Variants in FGF12 observed in about 807,000 individuals in gnomAD.
FGF12 encodes fibroblast growth factor 12B.
A neutral mutation model predicts 23.6 loss-of-function variants in FGF12; 14 were observed. The observed-to-expected ratio is 0.59, with a 90% CI of 0.39 to 0.93. The LOEUF (loss-of-function observed/expected upper bound fraction) is 0.93, where lower values mean the gene tolerates loss of function less well. FGF12 is among the 40% of genes least tolerant of loss of function. FGF12 has a pLI of 0.00. For missense variants in FGF12, 175 were observed against 217.8 expected, an observed-to-expected ratio of 0.80 and a Z score of 1.24; for synonymous variants, 62 against 77.3, an observed-to-expected ratio of 0.80 and a Z score of 1.04.
At position 192,614,014 on chromosome 3, in the gene FGF12, T is replaced by C. The variant is rs181549446; in HGVS notation, c.13+113167A>G. Reference sequence around the variant, plus strand: ...CATAAGAGCATGCTCTCCCCTGGCATCCTAGCATTTCTTGTCCTTCCCCAT... The same window carrying C: ...CATAAGAGCATGCTCTCCCCTGGCACCCTAGCATTTCTTGTCCTTCCCCAT... On this transcript the variant is annotated intron_variant, in intron 2 of 5. Coordinates refer to ENST00000445105, the MANE Select transcript of FGF12 (RefSeq NM_004113.6). Among the ~76,000 whole-genome samples the C allele has an allele frequency of 1.8e-3, 281 of 152,000 alleles. 1 individual carries two copies. The highest frequency in any genetic ancestry group is 3.4e-3 in the Middle Eastern group (1 of 294).
chr3:192,642,295 G>A (rs1399269316), intron 2 of FGF12, among the ~76,000 whole-genome samples: 1 of 152,106 alleles, frequency 6.6e-6, no homozygotes, highest in African/African-American at 2.4e-5. Context: ...ACCAGGCTCC[G>A]AGAATTCGAA....
At chr3:192,341,876 T>A (rs149810867) in intron 3 of FGF12, among the ~76,000 whole-genome samples, 133 of 112,406 alleles carry the variant, frequency 1.2e-3, no homozygotes, top group Non-Finnish European at 1.5e-3. Flanking sequence ...GTGAAAAAAA[T>A]TGAGAAAATG....
chr3:192,211,616 G>A (rs1175620322), intron 4 of FGF12, among the ~76,000 whole-genome samples: 3 of 151,764 alleles, frequency 2.0e-5, no homozygotes, highest in African/African-American at 4.8e-5. Context: ...TAGTAGAGAC[G>A]GGGTTTCATC....
intron 2 of FGF12, among the ~76,000 whole-genome samples, chr3:192,396,752 C>G (rs1720539027): frequency 1.3e-5 from 2 of 152,230 alleles, no homozygotes. Flanking sequence ...TTCAACCAGA[C>G]TTTGAATTCA....
chr3:192,261,856 A>G (rs1039366624), intron 4 of FGF12, among the ~76,000 whole-genome samples: 9 of 152,178 alleles, frequency 5.9e-5, no homozygotes, highest in Non-Finnish European at 8.8e-5. Context: ...TTATGGGGAA[A>G]GAAGTGTGTG....
chr3:192,338,475 G>T (rs1717527957), intron 3 of FGF12, among the ~76,000 whole-genome samples: 1 of 152,210 alleles, frequency 6.6e-6, no homozygotes, highest in Non-Finnish European at 1.5e-5. Context: ...CCAATGAGAT[G>T]TAAGTCATCA....
At chr3:192,268,099 CAGA>C (rs1713193070) in intron 4 of FGF12, among the ~76,000 whole-genome samples, 1 of 152,158 alleles carries the variant, frequency 6.6e-6, no homozygotes, top group Non-Finnish European at 1.5e-5. Flanking sequence ...TATGAAATCT[CAGA>C]AGTTCTTCCT....
At chr3:192,473,286 G>A (rs547280785) in intron 2 of FGF12, among the ~76,000 whole-genome samples, 9 of 152,294 alleles carry the variant, frequency 5.9e-5, no homozygotes, top group African/African-American at 1.9e-4. Flanking sequence ...CTGACACACT[G>A]ATTTCCTTGT....
chr3:192,525,757 C>T (rs1296296948), intron 2 of FGF12, among the ~76,000 whole-genome samples: 1 of 152,080 alleles, frequency 6.6e-6, no homozygotes, highest in Non-Finnish European at 1.5e-5. Context: ...CATCCATGTC[C>T]TTGAGTCTCA....
intron 4 of FGF12, among the ~76,000 whole-genome samples, chr3:192,254,187 C>G (rs1254896486): frequency 6.6e-6 from 1 of 151,812 alleles, no homozygotes; most frequent in African/African-American, 2.4e-5. Context: ...CCTCCTCTCC[C>G]CAAGACCCAG....
intron 2 of FGF12, among the ~76,000 whole-genome samples, chr3:192,704,163 G>C (rs1238659574): frequency 1.3e-5 from 2 of 152,162 alleles, no homozygotes; most frequent in African/African-American, 4.8e-5. Context: ...AGATCCATCA[G>C]AGGAATCATT....
At chr3:192,489,960 C>A (rs141904709) in intron 2 of FGF12, among the ~76,000 whole-genome samples, 2 of 152,034 alleles carry the variant, frequency 1.3e-5, no homozygotes, top group African/African-American at 4.8e-5. Context: ...CAAACCTACA[C>A]ATGTACCCCT....
chr3:192,648,077 C>T lies in FGF12; in HGVS notation c.13+79104G>A, dbSNP rs143399981. 8.1e-3 allele frequency among the ~76,000 whole-genome samples: 1,236 copies of T among 152,128 alleles called. 21 individuals are homozygous for T. The highest frequency in any genetic ancestry group is 0.029 in the African/African-American group (1,204 of 41,506). Reference sequence around the variant, plus strand: ...TAAGGCCACTTTATGTAGACTCACACTTCTAGGAGGTGGCATATTCAGTTT... The same window carrying T: ...TAAGGCCACTTTATGTAGACTCACATTTCTAGGAGGTGGCATATTCAGTTT... On this transcript the variant is annotated intron_variant, in intron 2 of 5. Transcript: ENST00000445105.
At chr3:192,580,268 T>C (rs1182954092) in intron 2 of FGF12, among the ~76,000 whole-genome samples, 1 of 152,166 alleles carries the variant, frequency 6.6e-6, no homozygotes, top group Admixed American at 6.5e-5. Flanking sequence ...TGACAGCCAA[T>C]GTGCGGTATT....
Position 192,713,385 on chromosome 3 carries a change from GGAGA to G in FGF12, c.13+13792_13+13795del, listed in dbSNP as rs1560203066. 2.0e-5 allele frequency among the ~76,000 whole-genome samples: 3 copies of G among 152,180 alleles called. 1 individual carries two copies. The South Asian group carries it at 6.2e-4, about 32-fold the overall frequency. ...GAAAGTGATTGTAGAGGAAAAAATG[GGAGA>G]GAGGACAAGAAAGTACTATATTTCA... is the stretch of plus-strand genomic sequence containing the variant. On this transcript the variant is annotated intron_variant, in intron 2 of 5. Transcript: ENST00000445105.
chr3:192,465,144 T>C (rs968604203), intron 2 of FGF12, among the ~76,000 whole-genome samples: 9 of 152,226 alleles, frequency 5.9e-5, no homozygotes, highest in Non-Finnish European at 1.2e-4. Context: ...TAAAAACTTA[T>C]AGAAGAATTT....
intron 2 of FGF12, among the ~76,000 whole-genome samples, chr3:192,527,387 G>C (rs1453764560): frequency 2.0e-5 from 3 of 152,198 alleles, no homozygotes. Context: ...AAAGACCTGG[G>C]AGAAGAGGTT....
rs1197934264 is a variant in FGF12, at chr3:192,408,461, G to A, written c.14-47923C>T. Reference sequence around the variant, plus strand: ...AAACTTCCCCAACCTCTGGCGGCCGGGGGGCGGGGCGGGGCGGTCCCAGGC... The same window carrying A: ...AAACTTCCCCAACCTCTGGCGGCCGAGGGGCGGGGCGGGGCGGTCCCAGGC... On this transcript the variant is annotated intron_variant, in intron 2 of 5. Coordinates refer to ENST00000445105, the MANE Select transcript of FGF12 (RefSeq NM_004113.6). This position sits in a 1 kb window ranked among gnomAD's most constrained non-coding sequence, Gnocchi z 7.3. The A allele has an allele frequency of 2.9e-6, 4 of 1,367,250 alleles. No homozygotes were observed. In the Admixed American group the frequency reaches 1.0e-4, roughly 36 times the overall value. The allele number at this position is 1,367,250 out of a possible 1,614,324, so 84.7% of individuals were successfully genotyped here. A position where few individuals can be genotyped will look rare whatever the true frequency, so the allele number is the denominator to read the frequency against.
At chr3:192,723,294 G>A (rs1026705413) in intron 2 of FGF12, among the ~76,000 whole-genome samples, 1 of 151,950 alleles carries the variant, frequency 6.6e-6, no homozygotes, top group Non-Finnish European at 1.5e-5. Context: ...TTTCATTTTT[G>A]TTGTATCCAA....
Sources: gnomAD v4.1 joint callset for allele counts (sites outside exome capture counted in the v4.1 genomes callset) on GRCh38, gnomAD v4.1.1 for gene constraint, Gnocchi (gnomAD v3.1) non-coding constraint, MANE v1.5 for transcripts, NCBI Gene and HGNC (gene_info 2026-07-23, HGNC 2026-07-21) for gene names.